Variants in ZSWIM6 observed in about 807,000 individuals in gnomAD.
ZSWIM6 encodes zinc finger SWIM-type containing 6.
Under a neutral mutation model 113.2 loss-of-function variants are expected in ZSWIM6, and 9 were observed. That is an observed-to-expected ratio of 0.08 (90% CI 0.05 to 0.14). ZSWIM6 has a LOEUF of 0.14. ZSWIM6 is among the 10% of genes least tolerant of loss of function. The pLI is 1.00. For synonymous variants in ZSWIM6, 611 were observed against 606.5 expected (o/e 1.01, Z -0.11); for missense variants, 1,162 against 1,552.2 (o/e 0.75, Z 4.22).
chr5:61,514,058 A>G (rs1748867610), intron 4 of ZSWIM6, among the ~76,000 whole-genome samples: 1 of 152,122 alleles, frequency 6.6e-6, no homozygotes, highest in Non-Finnish European at 1.5e-5. Context: ...GAGTTTTCCA[A>G]TCCATGAACA....
chr5:61,417,515 A>G (rs1002268449), intron 1 of ZSWIM6, among the ~76,000 whole-genome samples: 1 of 152,216 alleles, frequency 6.6e-6, no homozygotes, highest in Non-Finnish European at 1.5e-5. Flanking sequence ...ACTGTAGAAC[A>G]CAGTAATTAG....
intron 7 of ZSWIM6, among the ~76,000 whole-genome samples, chr5:61,528,591 CT>C (rs577009372): frequency 2.6e-3 from 377 of 143,534 alleles, no homozygotes; most frequent in Non-Finnish European, 2.6e-3. Flanking sequence ...CGTTTTTCCT[CT>C]TTTTTTTTTT....
rs1381631579 is a variant in ZSWIM6, at chr5:61,332,887, G to A, written c.615G>A (p.Leu205=). 7.5e-7 allele frequency: 1 copy of A among 1,330,628 alleles called. No homozygotes were observed. Among genetic ancestry groups the A allele is most frequent in the South Asian group, 1.6e-5 (1 of 61,254 alleles). The allele number at this position is 1,330,628 out of a possible 1,614,324, so 82.4% of individuals were successfully genotyped here. A position where few individuals can be genotyped will look rare whatever the true frequency, so the allele number is the denominator to read the frequency against. ...GAADGGDETR[L]PFRRGIALLE... ...CGGACGGCGGCGACGAGACGCGGCT[G>A]CCTTTCCGCCGGGGCATCGCGCTGT... The change falls in exon 1 of 14, where the codon CTG becomes CTA. Residue 205 remains leucine, a synonymous_variant. Coordinates refer to ENST00000252744, the MANE Select transcript of ZSWIM6 (RefSeq NM_020928.2).
intron 1 of ZSWIM6, among the ~76,000 whole-genome samples, chr5:61,429,353 T>C (rs867402483): frequency 1.6e-4 from 25 of 152,306 alleles, no homozygotes; most frequent in Admixed American, 3.3e-4. Context: ...AGAGAGCCTA[T>C]CTGTTTAAGG....
intron 1 of ZSWIM6, among the ~76,000 whole-genome samples, chr5:61,403,856 T>G (rs1258768417): frequency 6.6e-6 from 1 of 152,182 alleles, no homozygotes; most frequent in African/African-American, 2.4e-5. Context: ...TTTTTGACAG[T>G]GAGGAAATTA....
At chr5:61,461,893 A>C (rs1747330933) in intron 1 of ZSWIM6, among the ~76,000 whole-genome samples, 1 of 152,196 alleles carries the variant, frequency 6.6e-6, no homozygotes, top group Non-Finnish European at 1.5e-5. Flanking sequence ...TGCCTTTTGA[A>C]CAGATGACCT....
chr5:61,399,894 T>TA (rs1354841667), intron 1 of ZSWIM6, among the ~76,000 whole-genome samples: 1 of 152,224 alleles, frequency 6.6e-6, no homozygotes, highest in African/African-American at 2.4e-5. Context: ...TGCTGTTTAA[T>TA]GATTGTTATA....
At chr5:61,473,462 G>C (rs947319418) in intron 2 of ZSWIM6, among the ~76,000 whole-genome samples, 2 of 152,086 alleles carry the variant, frequency 1.3e-5, no homozygotes, top group Non-Finnish European at 2.9e-5. Flanking sequence ...ATTATTTTTG[G>C]AAAAACATTA....
chr5:61,532,846 C>T (rs549723779), intron 9 of ZSWIM6, among the ~76,000 whole-genome samples: 5 of 152,224 alleles, frequency 3.3e-5, no homozygotes, highest in African/African-American at 1.2e-4. Context: ...CCTGATTCTT[C>T]AGTTACTGTT....
chr5:61,426,126 C>A (rs1746457908), intron 1 of ZSWIM6, among the ~76,000 whole-genome samples: 1 of 152,114 alleles, frequency 6.6e-6, no homozygotes, highest in Admixed American at 6.5e-5. Flanking sequence ...CATCATGAGG[C>A]AGTTTAGGCC....
intron 1 of ZSWIM6, among the ~76,000 whole-genome samples, chr5:61,387,071 T>A (rs1027045884): frequency 2.6e-5 from 4 of 152,076 alleles, no homozygotes; most frequent in Non-Finnish European, 4.4e-5. Flanking sequence ...TTCTGATTAT[T>A]GAGAGTTTAC....
intron 1 of ZSWIM6, among the ~76,000 whole-genome samples, chr5:61,451,611 C>T (rs1225330052): frequency 6.6e-6 from 1 of 152,020 alleles, no homozygotes; most frequent in East Asian, 1.9e-4. Context: ...AATACTTTAC[C>T]CCAGAATGGC....
intron 2 of ZSWIM6, among the ~76,000 whole-genome samples, chr5:61,488,095 A>G (rs1748070420): frequency 6.6e-6 from 1 of 151,900 alleles, no homozygotes. Context: ...GAGATGCTGA[A>G]TTTTACAAAT....
At chr5:61,437,526 C>G (rs1013269121) in intron 1 of ZSWIM6, among the ~76,000 whole-genome samples, 3 of 151,916 alleles carry the variant, frequency 2.0e-5, no homozygotes, top group Non-Finnish European at 4.4e-5. Context: ...ACTTCAAGAC[C>G]AGCCTGCGCA....
intron 7 of ZSWIM6, among the ~76,000 whole-genome samples, chr5:61,529,237 T>C (rs1405523189): frequency 6.6e-6 from 1 of 152,220 alleles, no homozygotes; most frequent in African/African-American, 2.4e-5. Flanking sequence ...GCTACTATTA[T>C]TTATTACTTT....
intron 1 of ZSWIM6, among the ~76,000 whole-genome samples, chr5:61,397,201 C>T (rs573924066): frequency 3.7e-4 from 57 of 152,328 alleles, no homozygotes; most frequent in African/African-American, 1.4e-3. Flanking sequence ...GCTGTACCTT[C>T]CTGTCCGCCA....
At chr5:61,459,190 A>G (rs972668165) in intron 1 of ZSWIM6, among the ~76,000 whole-genome samples, 20 of 152,240 alleles carry the variant, frequency 1.3e-4, no homozygotes, top group African/African-American at 4.6e-4. Flanking sequence ...AAAGTTTAGC[A>G]ACATAAGATA....
rs561508714 is a variant in ZSWIM6, at chr5:61,478,458, C to T, written c.1033+5421C>T. Among the ~76,000 whole-genome samples the T allele has an allele frequency of 2.7e-4, 41 of 152,204 alleles. 2 individuals carry two copies. The South Asian group carries it at 8.3e-3, about 31-fold the overall frequency. ...ACACACATGTGCAGACATGTGCACA[C>T]ATATATATGAAGTTTTAAAATAAAT... On this transcript the variant is annotated intron_variant, in intron 2 of 13. Transcript: ENST00000252744.
intron 4 of ZSWIM6, among the ~76,000 whole-genome samples, chr5:61,516,558 A>T (rs1424976603): frequency 2.0e-5 from 3 of 148,294 alleles, no homozygotes; most frequent in Admixed American, 6.7e-5. Flanking sequence ...TAGTTTATAG[A>T]TACAGTTTTT....
Sources: allele counts gnomAD v4.1 joint callset (sites outside exome capture counted in the v4.1 genomes callset), GRCh38; gene constraint gnomAD v4.1.1; transcripts MANE v1.5; gene names NCBI Gene and HGNC (gene_info 2026-07-23, HGNC 2026-07-21).